UNC13A: variants seen among roughly 807,000 people sequenced by gnomAD.
UNC13A encodes the protein unc-13 homolog A.
UNC13A carries 61 observed loss-of-function variants against 219.7 expected under a neutral mutation model. The observed-to-expected ratio is 0.28, with a 90% CI of 0.23 to 0.34. The LOEUF is 0.34. Ranked by LOEUF, UNC13A falls within the 10% of genes least tolerant of loss-of-function variation. The pLI is 1.00. For synonymous variants in UNC13A, 920 were observed against 884.6 expected (o/e 1.04, Z -0.71); for missense variants, 1,476 against 2,270.3 (o/e 0.65, Z 7.11).
At position 17,656,225 on chromosome 19, in the gene UNC13A, G is replaced by A. The variant is rs367596815; in HGVS notation, c.941C>T (p.Ser314Leu). ...CHSSVSYHKDSPRWDQDEEEL... is the reference protein window; with the variant it reads ...CHSSVSYHKDLPRWDQDEEEL... ...TTCCTCATCCTGGTCCCAGCGAGGC[G>A]AGTCTTTGTGGTAGCTGACCGAGCT... Residue 314 changes from serine to leucine, a missense_variant, in exon 10 of 44, where the codon TCG becomes TTG. Ser to Leu is a moderately radical substitution (Grantham distance 145). This residue lies in a region of UNC13A where 351 missense variants were observed against 342.6 expected (regional missense o/e 1.02). Transcript: ENST00000519716. 63 of 1,552,178 alleles carry A rather than the reference G, an allele frequency of 4.1e-5. No homozygotes were observed. Among genetic ancestry groups the A allele is most frequent in the African/African-American group, 4.0e-4 (29 of 73,156 alleles).
chr19:17,686,685 C>T (rs2080118390), intron 1 of UNC13A, among the ~76,000 whole-genome samples: 1 of 152,022 alleles, frequency 6.6e-6, no homozygotes, highest in Non-Finnish European at 1.5e-5. Flanking sequence ...CAGAAACGAG[C>T]TTAGAGAAAG....
chr19:17,614,551 A>C (rs1016948838), intron 41 of UNC13A: 2 of 151,292 alleles, frequency 1.3e-5, no homozygotes, highest in African/African-American at 4.9e-5. Flanking sequence ...CCCACCAGGC[A>C]ACTCCCCACT....
At chr19:17,672,320 T>C in intron 4 of UNC13A, 58 bp downstream of exon 4, 2 of 1,369,858 alleles carry the variant, frequency 1.5e-6, no homozygotes, top group Non-Finnish European at 2.1e-6. Flanking sequence ...AGTCCACTGG[T>C]CTCTGGGCTT....
At chr19:17,617,554 G>T in intron 41 of UNC13A, 148 bp downstream of exon 41, 1 of 1,210,778 alleles carries the variant, frequency 8.3e-7, no homozygotes, top group Non-Finnish European at 1.2e-6. Flanking sequence ...ACCTTTGATC[G>T]CTCATTGGTC....
In UNC13A at chr19:17,605,867, G is replaced by T. The variant is rs1021439830; in HGVS notation, c.*187C>A. On this transcript the variant is annotated 3_prime_UTR_variant, in exon 44 of 44. Transcript: ENST00000519716. ...GCCCTTGGGCGTGGCCTCCCGAGAG[G>T]GCGGGGCATCCTCCATTCCTAATTC... is the stretch of plus-strand genomic sequence containing the variant. 8.7e-6 allele frequency: 5 copies of T among 574,148 alleles called. No individual in the cohort carries two copies. In the African/African-American group the frequency reaches 9.9e-5, roughly 11 times the overall value. 35.6% of individuals were successfully genotyped at this position (574,148 alleles called of 1,614,324 possible).
At chr19:17,624,465 T>C (rs1213012749) in intron 35 of UNC13A, among the ~76,000 whole-genome samples, 2 of 152,170 alleles carry the variant, frequency 1.3e-5, no homozygotes, top group African/African-American at 2.4e-5. Flanking sequence ...GATCCCAAAA[T>C]TGACCTGTTT....
At position 17,652,683 on chromosome 19, in the gene UNC13A, G is replaced by A. The variant is rs1367480171; in HGVS notation, c.1393-6C>T. 2 of 1,613,518 alleles carry A rather than the reference G, an allele frequency of 1.2e-6. No homozygotes were observed. The highest frequency in any genetic ancestry group is 3.3e-5 in the Admixed American group (2 of 59,972). On this transcript the variant is annotated splice_region_variant and splice_polypyrimidine_tract_variant and intron_variant, in intron 11 of 43. Transcript: ENST00000519716. ...ATCTCTCCTTCTCCCCGGGCCTGCA[G>A]GACAGACAGACAGATATGGTCAGTG... is the stretch of plus-strand genomic sequence containing the variant.
intron 43 of UNC13A, among the ~76,000 whole-genome samples, chr19:17,608,680 G>C (rs2076567293): frequency 6.6e-6 from 1 of 151,178 alleles, no homozygotes; most frequent in South Asian, 2.1e-4. Context: ...ACCACGCCTG[G>C]CTAGGTTTTG....
intron 42 of UNC13A, among the ~76,000 whole-genome samples, chr19:17,610,545 C>T (rs2076591904): frequency 1.3e-5 from 2 of 152,304 alleles, no homozygotes; most frequent in South Asian, 2.1e-4. Flanking sequence ...CATTTCCCAG[C>T]ATTGCCATGA....
At chr19:17,677,568 T>C (rs1156318006) in intron 1 of UNC13A, among the ~76,000 whole-genome samples, 8 of 152,138 alleles carry the variant, frequency 5.3e-5, no homozygotes, top group African/African-American at 1.9e-4. Context: ...TTTCAGTATA[T>C]GTCGGCCAGG....
intron 12 of UNC13A, among the ~76,000 whole-genome samples, chr19:17,652,064 G>A (rs764883398): frequency 6.6e-6 from 1 of 152,046 alleles, no homozygotes; most frequent in Non-Finnish European, 1.5e-5. Flanking sequence ...CAAATATATA[G>A]TGTACATTTC....
At position 17,611,853 on chromosome 19, in the gene UNC13A, A is replaced by T; in HGVS notation, c.4561T>A (p.Leu1521Met). 1 of 1,613,798 alleles carries T rather than the reference A, an allele frequency of 6.2e-7. No individual in the cohort carries two copies. Among genetic ancestry groups the T allele is most frequent in the Admixed American group, 1.7e-5 (1 of 60,026 alleles). ...TCACCCACAGGGTCTTCTACACCCA[A>T]GCCTGGGCAGGGCAGGGGAGGATGG... ...TFVQTQSAQG[L>M]GVEDPVGEVS... The change falls in exon 42 of 44, where the codon TTG becomes ATG. Residue 1521 changes from leucine to methionine, a missense_variant and splice_region_variant. This residue lies in a region of UNC13A where 77 missense variants were observed against 94.8 expected (regional missense o/e 0.81). Transcript: ENST00000519716.
chr19:17,638,658 T>C (rs191758925), intron 25 of UNC13A, among the ~76,000 whole-genome samples: 4 of 151,654 alleles, frequency 2.6e-5, no homozygotes, highest in Non-Finnish European at 4.4e-5. Context: ...TGAAACCCCG[T>C]TTTTACTAAA....
intron 41 of UNC13A, among the ~76,000 whole-genome samples, chr19:17,617,416 G>T (rs1182770784): frequency 6.6e-6 from 1 of 152,094 alleles, no homozygotes; most frequent in East Asian, 1.9e-4. Context: ...ATCCTACCCT[G>T]GTCCTTGATG....
chr19:17,655,804 C>A lies in UNC13A; in HGVS notation c.1283+79G>T, dbSNP rs542509340. 365 of 1,437,868 alleles carry A rather than the reference C, an allele frequency of 2.5e-4. 1 individual carries two copies. The African/African-American group carries it at 4.7e-3, about 19-fold the overall frequency. The allele number at this position is 1,437,868 out of a possible 1,614,324, so 89.1% of individuals were successfully genotyped here. On this transcript the variant is annotated intron_variant, in intron 10 of 43. Transcript: ENST00000519716. ...CTTCAGCCCCAGCAACTTCCCAGGT[C>A]CACGCTGACCCCATCATAGCCCTGC...
chr19:17,641,239 G>A (rs1423133782), intron 21 of UNC13A, among the ~76,000 whole-genome samples, 154 bp downstream of exon 21: 3 of 151,940 alleles, frequency 2.0e-5, no homozygotes, highest in Non-Finnish European at 4.4e-5. Flanking sequence ...CAATCACAGC[G>A]CTCTCCTGAT....
intron 31 of UNC13A, 184 bp from the exon 32 acceptor site, chr19:17,628,124 G>A (rs948309515): frequency 2.8e-5 from 17 of 613,248 alleles, no homozygotes; most frequent in East Asian, 5.6e-5. Flanking sequence ...TTGTTGGGGC[G>A]GGCATCTCTG....
In UNC13A at chr19:17,627,854, C is replaced by G; in HGVS notation, c.3831+9G>C. On this transcript the variant is annotated intron_variant, in intron 32 of 43. Coordinates refer to ENST00000519716, the MANE Select transcript of UNC13A (RefSeq NM_001080421.3). This position sits in a 1 kb window ranked among gnomAD's most constrained non-coding sequence, Gnocchi z 4.7. ...TCCCTTCTCCAGCCCTGCCTCGGCC[C>G]TGCCTCACCTCCTTTCCTCCCATGG... The G allele has an allele frequency of 6.3e-7, 1 of 1,596,024 alleles. No homozygotes were observed.
In UNC13A at chr19:17,627,490, G is replaced by A; in HGVS notation, c.3920+19C>T. 1 of 1,550,232 alleles carries A rather than the reference G, an allele frequency of 6.5e-7. No individual in the cohort carries two copies. Among genetic ancestry groups the A allele is most frequent in the East Asian group, 2.4e-5 (1 of 41,062 alleles). On this transcript the variant is annotated intron_variant, in intron 33 of 43. Coordinates refer to ENST00000519716, the MANE Select transcript of UNC13A (RefSeq NM_001080421.3). This position sits in a 1 kb window ranked among gnomAD's most constrained non-coding sequence, Gnocchi z 4.7. ...GGCTGTTCCCTCCCCACTGCCCCCA[G>A]CCCTGGAGATGCTCCCACCTGGTAG...
Sources: gnomAD v4.1 joint callset for allele counts (sites outside exome capture counted in the v4.1 genomes callset) on GRCh38, gnomAD v4.1.1 for gene constraint, gnomAD v4.1.1 regional missense constraint, Gnocchi (gnomAD v3.1) non-coding constraint, MANE v1.5 for transcripts, NCBI Gene and HGNC (gene_info 2026-07-23, HGNC 2026-07-21) for gene names.